C22orf42: variants seen among roughly 807,000 people sequenced by gnomAD.
The protein encoded by C22orf42 is chromosome 22 open reading frame 42, also known as uncharacterized protein C22orf42.
A neutral mutation model predicts 31.4 loss-of-function variants in C22orf42; 24 were observed. That is an observed-to-expected ratio of 0.77 (90% CI 0.55 to 1.08). C22orf42 has a LOEUF of 1.08. C22orf42 is among the 50% of genes least tolerant of loss of function. C22orf42 has a pLI of 0.00. For missense variants in C22orf42, 276 were observed against 327.3 expected (o/e 0.84, Z 1.21); for synonymous variants, 96 against 112.7 (o/e 0.85, Z 0.94).
At chr22:32,157,398 C>T (rs1921322236) in intron 1 of C22orf42, among the ~76,000 whole-genome samples, 1 of 151,864 alleles carries the variant, frequency 6.6e-6, no homozygotes, top group Non-Finnish European at 1.5e-5. Flanking sequence ...TTTGTCAATG[C>T]TCACTACGTG....
intron 7 of C22orf42, chr22:32,149,999 T>C (rs1370618576): frequency 2.1e-6 from 1 of 482,078 alleles, no homozygotes; most frequent in African/African-American, 1.9e-5. Context: ...AAAATTATTT[T>C]TCAAGAAGAA....
rs3888536 is a variant in C22orf42, at chr22:32,151,025, G to A, written c.466-6C>T. 525,249 of 1,608,750 alleles carry A rather than the reference G, an allele frequency of 0.33. 88,434 individuals are homozygous for A. Among genetic ancestry groups the A allele is most frequent in the African/African-American group, 0.39 (29,215 of 74,378 alleles). The stretch of plus-strand genomic sequence containing the variant: ...TGCTTGGCCTCAGATATTTCCTGCA[G>A]TAAGAGAAAAGAAAAAGAAACACCA... On this transcript the variant is annotated splice_polypyrimidine_tract_variant and splice_region_variant and intron_variant, in intron 5 of 8. Transcript: ENST00000382097.
In C22orf42 at chr22:32,151,482, C is replaced by A. The variant is rs756646922; in HGVS notation, c.465+5G>T. On this transcript the variant is annotated splice_donor_5th_base_variant and intron_variant, in intron 5 of 8. Transcript: ENST00000382097. Reference sequence around the variant, plus strand: ...TTCTCTTCCAGAGAAAGAAATACATCTTACAATATCTGACGTTATATTCTC... The same window carrying A: ...TTCTCTTCCAGAGAAAGAAATACATATTACAATATCTGACGTTATATTCTC... The A allele has an allele frequency of 1.1e-5, 18 of 1,612,662 alleles. No homozygotes were observed. The South Asian group carries it at 1.4e-4, about 13-fold the overall frequency.
chr22:32,157,912 A>T (rs1921353921), intron 1 of C22orf42, among the ~76,000 whole-genome samples: 1 of 152,282 alleles, frequency 6.6e-6, no homozygotes, highest in African/African-American at 2.4e-5. Context: ...TGGTGACTGC[A>T]CTATTCGTCC....
chr22:32,150,398 A>G lies in C22orf42; in HGVS notation c.575T>C (p.Val192Ala), dbSNP rs1171003527. The change falls in exon 7 of 9, where the codon GTC becomes GCC. Residue 192 changes from valine (V) to alanine (A), a missense_variant. By Grantham distance (64) the Val-to-Ala change is moderately conservative (BLOSUM62 0). Transcript: ENST00000382097. ...TGATGTCATGAAGTCTTCAAGAGAGACAGATAGGCTTTCACTGAGATCCGA... is the reference window on the plus strand; with the variant it reads ...TGATGTCATGAAGTCTTCAAGAGAGGCAGATAGGCTTTCACTGAGATCCGA... ...MTSDLSESLSVSLEDFMTSGL... is the reference protein window; with the variant it reads ...MTSDLSESLSASLEDFMTSGL... 1 of 1,614,136 alleles carries G rather than the reference A, an allele frequency of 6.2e-7. No homozygotes were observed. Among genetic ancestry groups the G allele is most frequent in the South Asian group, 1.1e-5 (1 of 91,078 alleles).
intron 2 of C22orf42, 129 bp from the exon 3 acceptor site, chr22:32,152,755 G>A (rs1921040518): frequency 1.2e-6 from 1 of 817,442 alleles, no homozygotes; most frequent in African/African-American, 1.7e-5. Context: ...CTGAGCTGCT[G>A]CTGGACCATT....
intron 2 of C22orf42, among the ~76,000 whole-genome samples, chr22:32,153,127 G>C (rs1921061806): frequency 6.6e-6 from 1 of 152,186 alleles, no homozygotes; most frequent in African/African-American, 2.4e-5. Context: ...TCAGGGTGCT[G>C]TGTCAATAAT....
At chr22:32,150,747 A>G (rs1451733350) in intron 6 of C22orf42, 7 of 634,558 alleles carry the variant, frequency 1.1e-5, no homozygotes, top group Non-Finnish European at 2.0e-5. Flanking sequence ...AAAGCACTGT[A>G]CTATAGAAAC....
In C22orf42 at chr22:32,149,539, A is replaced by G. The variant is rs115275535; in HGVS notation, c.*1T>C. 8.3e-3 allele frequency: 12,693 copies of G among 1,533,764 alleles called. 876 individuals carry two copies. In the African/African-American group the frequency reaches 0.15, roughly 18 times the overall value. On this transcript the variant is annotated 3_prime_UTR_variant, in exon 9 of 9. Transcript: ENST00000382097. ...GTCTGTAATCCCAGCTACTTGGAACACTAAAGCCGGAGAAGTCCTAGAACC... is the reference window on the plus strand; with the variant it reads ...GTCTGTAATCCCAGCTACTTGGAACGCTAAAGCCGGAGAAGTCCTAGAACC...
chr22:32,149,641 C>CCAA, intron 8 of C22orf42, 28 bp from the exon 9 acceptor site: 1 of 1,236,184 alleles, frequency 8.1e-7, no homozygotes, highest in Non-Finnish European at 1.0e-6. Context: ...GACTTCATCT[C>CCAA]AAAAAAAAAA....
intron 4 of C22orf42, 123 bp from the exon 5 acceptor site, chr22:32,151,674 G>C (rs1172241245): frequency 1.3e-5 from 11 of 876,720 alleles, no homozygotes; most frequent in Non-Finnish European, 1.9e-5. Context: ...CATGGACTGA[G>C]CTGCTGCTGG....
chr22:32,150,000 T>C (rs2094109785), intron 7 of C22orf42: 1 of 481,922 alleles, frequency 2.1e-6, no homozygotes, highest in Non-Finnish European at 3.7e-6. Context: ...AAATTATTTT[T>C]CAAGAAGAAA....
At chr22:32,152,740 A>G in intron 2 of C22orf42, 114 bp from the exon 3 acceptor site, 2 of 950,024 alleles carry the variant, frequency 2.1e-6, no homozygotes, top group South Asian at 2.6e-5. Flanking sequence ...GTTGACAGGC[A>G]TGGACTGAGC....
intron 6 of C22orf42, 100 bp from the exon 7 acceptor site, chr22:32,150,579 C>G: frequency 4.0e-6 from 5 of 1,248,226 alleles, no homozygotes; most frequent in Non-Finnish European, 5.8e-6. Context: ...TGCAGGTGGG[C>G]GGTTGACAGG....
chr22:32,151,678 C>T, intron 4 of C22orf42, 127 bp from the exon 5 acceptor site: 1 of 842,726 alleles, frequency 1.2e-6, no homozygotes, highest in Non-Finnish European at 2.0e-6. Flanking sequence ...GACTGAGCTG[C>T]TGCTGGACCA....
intron 2 of C22orf42, among the ~76,000 whole-genome samples, chr22:32,152,937 A>G (rs1327179791): frequency 6.6e-6 from 1 of 152,204 alleles, no homozygotes; most frequent in Non-Finnish European, 1.5e-5. Flanking sequence ...TTGAAGGTCC[A>G]GGCAAATCCC....
intron 3 of C22orf42, among the ~76,000 whole-genome samples, 162 bp downstream of exon 3, chr22:32,152,400 A>G (rs1303375114): frequency 8.5e-5 from 13 of 152,212 alleles, no homozygotes; most frequent in Non-Finnish European, 1.0e-4. Context: ...GCCATCGTCA[A>G]TCAGGCCTCA....
chr22:32,152,731 T>C, intron 2 of C22orf42, 105 bp from the exon 3 acceptor site: 2 of 1,065,840 alleles, frequency 1.9e-6, no homozygotes, highest in Non-Finnish European at 2.9e-6. Context: ...AGGTGGGCGG[T>C]TGACAGGCAT....
chr22:32,159,378 A>G (rs1603185234), upstream of C22orf42: 2 of 1,432,174 alleles, frequency 1.4e-6, no homozygotes, highest in South Asian at 3.0e-5. Context: ...GAAACAACCA[A>G]GTCAGGCTAG....
Sources: gnomAD v4.1 joint callset for allele counts (sites outside exome capture counted in the v4.1 genomes callset) on GRCh38, gnomAD v4.1.1 for gene constraint, MANE v1.5 for transcripts, NCBI Gene and HGNC (gene_info 2026-07-23, HGNC 2026-07-21) for gene names.